KALRN: variants seen among roughly 807,000 people sequenced by gnomAD.
KALRN encodes kalirin RhoGEF kinase, also known as kalirin.
A neutral mutation model predicts 353.7 loss-of-function variants in KALRN; 70 were observed. The ratio of observed to expected loss-of-function variants is 0.20; its 90% CI spans 0.16 to 0.24. The LOEUF (loss-of-function observed/expected upper bound fraction) is 0.24. Ranked by LOEUF, KALRN falls within the 10% of genes least tolerant of loss-of-function variation. KALRN has a pLI of 1.00. For synonymous variants in KALRN, 1,391 were observed against 1,434.8 expected (o/e 0.97, Z 0.69); for missense variants, 2,791 against 3,756.7 (o/e 0.74, Z 6.72).
chr3:124,223,621 A>G (rs2078161389), intron 1 of KALRN, among the ~76,000 whole-genome samples: 2 of 152,104 alleles, frequency 1.3e-5, no homozygotes, highest in African/African-American at 2.4e-5. Context: ...ATAAACGCCC[A>G]CTCTGTTGTT....
intron 3 of KALRN, among the ~76,000 whole-genome samples, chr3:124,240,669 C>A (rs889196527): frequency 1.3e-5 from 2 of 151,972 alleles, no homozygotes. Flanking sequence ...GACAGGGGAG[C>A]CCATTGATGT....
At chr3:124,109,712 A>G (rs1235525616) in intron 1 of KALRN, among the ~76,000 whole-genome samples, 6 of 147,186 alleles carry the variant, frequency 4.1e-5, no homozygotes, top group African/African-American at 1.0e-4. Context: ...TGATATATAT[A>G]TGACATATAT....
chr3:124,186,607 A>G (rs373090230), intron 1 of KALRN, among the ~76,000 whole-genome samples: 2 of 152,224 alleles, frequency 1.3e-5, no homozygotes, highest in Admixed American at 6.5e-5. Flanking sequence ...GCAGGTGTCC[A>G]GTTATTTACT....
At chr3:124,352,684 T>G (rs35426228) in intron 10 of KALRN, among the ~76,000 whole-genome samples, 99 of 151,982 alleles carry the variant, frequency 6.5e-4, no homozygotes, top group African/African-American at 1.8e-3. Flanking sequence ...GTTTTGTTTT[T>G]TTTTTTATCA....
chr3:124,045,858 G>A (rs2332740), intron 1 of KALRN, among the ~76,000 whole-genome samples: 132,622 of 152,094 alleles, frequency 0.87, 58,904 homozygotes, highest in East Asian at 0.99. Context: ...AACCTCACCC[G>A]GATGGGCGTG....
chr3:124,669,615 A>G (rs148770732), intron 47 of KALRN, among the ~76,000 whole-genome samples: 2 of 152,348 alleles, frequency 1.3e-5, no homozygotes, highest in African/African-American at 2.4e-5. Context: ...TTATTTAGGC[A>G]TAGTCAATGA....
In KALRN at chr3:124,340,172, A is replaced by G. The variant is rs543046876; in HGVS notation, c.1647+5677A>G. ...AATATGCCGTGTGTCATATGGCGAT[A>G]GCTGGTGATGAGTGAGTGGAGAGCT... is the stretch of plus-strand genomic sequence containing the variant. On this transcript the variant is annotated intron_variant, in intron 9 of 59. Transcript: ENST00000682506. Among the ~76,000 whole-genome samples the G allele has an allele frequency of 2.0e-5, 3 of 152,330 alleles. No individual in the cohort carries two copies. In the East Asian group the frequency reaches 5.8e-4, roughly 29 times the overall value.
chr3:124,465,096 T>C (rs1320744062), intron 25 of KALRN, among the ~76,000 whole-genome samples: 1 of 152,102 alleles, frequency 6.6e-6, no homozygotes, highest in Admixed American at 6.5e-5. Flanking sequence ...TTTAAGGAAA[T>C]ATCTAAGAAA....
intron 10 of KALRN, among the ~76,000 whole-genome samples, chr3:124,364,202 A>G: frequency 6.6e-6 from 1 of 152,142 alleles, no homozygotes; most frequent in Non-Finnish European, 1.5e-5. Flanking sequence ...ATTCATATGG[A>G]ATTACTTATG....
At chr3:124,037,311 G>A (rs1212840155) in intron 1 of KALRN, among the ~76,000 whole-genome samples, 1 of 152,226 alleles carries the variant, frequency 6.6e-6, no homozygotes, top group Admixed American at 6.5e-5. Context: ...AGAGGAGGTG[G>A]AACTTCGGGT....
chr3:124,450,787 T>C (rs1270479069), intron 21 of KALRN, among the ~76,000 whole-genome samples: 1 of 152,118 alleles, frequency 6.6e-6, no homozygotes, highest in Admixed American at 6.5e-5. Flanking sequence ...GGTCTTGAAC[T>C]CCTGACCTTA....
At chr3:124,082,694 C>T (rs187481289) in intron 1 of KALRN, among the ~76,000 whole-genome samples, 38 of 152,282 alleles carry the variant, frequency 2.5e-4, no homozygotes, top group African/African-American at 6.3e-4. Flanking sequence ...ACAATGACTT[C>T]GGTTCAGAGG....
intron 10 of KALRN, among the ~76,000 whole-genome samples, chr3:124,363,016 T>G (rs547318862): frequency 2.6e-5 from 4 of 152,338 alleles, no homozygotes; most frequent in Non-Finnish European, 5.9e-5. Context: ...GGTTTGGATA[T>G]CCCAGTTACT....
chr3:124,701,932 G>T, intron 56 of KALRN, 106 bp from the exon 57 acceptor site: 2 of 774,614 alleles, frequency 2.6e-6, no homozygotes, highest in South Asian at 3.0e-5. Context: ...CTCCATATTT[G>T]GTCATGAGAA....
Position 124,119,626 on chromosome 3 carries a change from A to G in KALRN, c.73+85813A>G, listed in dbSNP as rs543899079. Reference sequence around the variant, plus strand: ...GCAGGACTACTTCCAGGCTGTCCCAACATGAGCAGGGATCAGATCATTCAG... The same window carrying G: ...GCAGGACTACTTCCAGGCTGTCCCAGCATGAGCAGGGATCAGATCATTCAG... On this transcript the variant is annotated intron_variant, in intron 1 of 59. Transcript: ENST00000682506. Among the ~76,000 whole-genome samples, 8 of 152,356 alleles carry G rather than the reference A, an allele frequency of 5.3e-5. No individual in the cohort carries two copies. In the East Asian group the frequency reaches 1.5e-3, roughly 29 times the overall value.
At chr3:124,471,961 C>T (rs7636260) in intron 25 of KALRN, among the ~76,000 whole-genome samples, 77,200 of 138,692 alleles carry the variant, frequency 0.56, 22,151 homozygotes, top group East Asian at 0.82. Context: ...AGTGAGACTC[C>T]GTCTCAAAAA....
intron 2 of KALRN, among the ~76,000 whole-genome samples, chr3:124,232,418 C>T (rs1005373025): frequency 4.9e-4 from 75 of 152,312 alleles, no homozygotes; most frequent in African/African-American, 1.7e-3. Flanking sequence ...CCATGTCCCT[C>T]AGGCAGGCTG....
At chr3:124,589,627 G>A (rs982812543) in intron 34 of KALRN, among the ~76,000 whole-genome samples, 2 of 152,110 alleles carry the variant, frequency 1.3e-5, no homozygotes, top group South Asian at 2.1e-4. Context: ...CACCATCCAG[G>A]GGATAAAATC....
intron 14 of KALRN, among the ~76,000 whole-genome samples, chr3:124,414,673 G>A (rs1328864259): frequency 4.6e-5 from 7 of 152,150 alleles, no homozygotes; most frequent in Non-Finnish European, 7.3e-5. Flanking sequence ...CTTGAGGACC[G>A]CTGGTTGAGA....
Sources: allele counts gnomAD v4.1 joint callset (sites outside exome capture counted in the v4.1 genomes callset), GRCh38; gene constraint gnomAD v4.1.1; transcripts MANE v1.5; gene names NCBI Gene and HGNC (gene_info 2026-07-23, HGNC 2026-07-21).